CHSY3: variants seen among roughly 807,000 people sequenced by gnomAD.
The protein encoded by CHSY3 is chondroitin sulfate synthase 3.
A neutral mutation model predicts 67.2 loss-of-function variants in CHSY3; 35 were observed. The ratio of observed to expected loss-of-function variants is 0.52; its 90% CI spans 0.40 to 0.69. CHSY3 has a LOEUF of 0.69. Ranked by LOEUF, CHSY3 falls within the 30% of genes least tolerant of loss-of-function variation. The pLI is 0.00. For synonymous variants in CHSY3, 474 were observed against 434.7 expected, an observed-to-expected ratio of 1.09 and a Z score of -1.12; for missense variants, 1,069 against 1,138.5, an observed-to-expected ratio of 0.94 and a Z score of 0.88.
intron 2 of CHSY3, among the ~76,000 whole-genome samples, chr5:130,085,362 A>G (rs1766580759): frequency 6.6e-6 from 1 of 151,988 alleles, no homozygotes; most frequent in South Asian, 2.1e-4. Flanking sequence ...GATTAGACTC[A>G]GTGTCAGAAA....
At chr5:130,037,717 A>AT (rs931941098) in intron 2 of CHSY3, among the ~76,000 whole-genome samples, 3 of 152,056 alleles carry the variant, frequency 2.0e-5, no homozygotes, top group African/African-American at 4.8e-5. Flanking sequence ...TTATTATTTA[A>AT]TTTTTTAAAA....
chr5:129,976,779 A>G (rs1762820237), intron 2 of CHSY3, among the ~76,000 whole-genome samples: 1 of 151,986 alleles, frequency 6.6e-6, no homozygotes, highest in Non-Finnish European at 1.5e-5. Flanking sequence ...TTAAAAAGAG[A>G]GTTAAATAAA....
chr5:129,945,990 A>G (rs991333891), intron 2 of CHSY3, among the ~76,000 whole-genome samples: 1 of 152,168 alleles, frequency 6.6e-6, no homozygotes, highest in Non-Finnish European at 1.5e-5. Context: ...TATTATTCCA[A>G]CCACAAAACT....
chr5:129,906,343 G>T (rs1188826770), intron 1 of CHSY3, among the ~76,000 whole-genome samples: 1 of 152,114 alleles, frequency 6.6e-6, no homozygotes, highest in Non-Finnish European at 1.5e-5. Context: ...GGATGGGCAT[G>T]TTGTAAGGAA....
At chr5:130,055,124 A>G (rs2149673472) in intron 2 of CHSY3, among the ~76,000 whole-genome samples, 1 of 152,224 alleles carries the variant, frequency 6.6e-6, no homozygotes, top group Admixed American at 6.5e-5. Context: ...GATTTTTGAT[A>G]GGAAAATGAA....
intron 2 of CHSY3, among the ~76,000 whole-genome samples, chr5:129,939,946 A>T (rs1009001343): frequency 3.3e-5 from 5 of 152,188 alleles, no homozygotes; most frequent in South Asian, 2.1e-4. Context: ...ATTGTATGTT[A>T]TCTGAGTTAT....
chr5:130,179,890 A>G, intron 2 of CHSY3, among the ~76,000 whole-genome samples: 1 of 152,180 alleles, frequency 6.6e-6, no homozygotes, highest in Non-Finnish European at 1.5e-5. Context: ...GATTTCCACA[A>G]AGAAAAGACA....
At chr5:129,931,849 T>C (rs766683456) in intron 2 of CHSY3, among the ~76,000 whole-genome samples, 7 of 152,004 alleles carry the variant, frequency 4.6e-5, no homozygotes, top group Non-Finnish European at 7.4e-5. Flanking sequence ...TCTCCCTAAA[T>C]TGTGTCATAT....
intron 2 of CHSY3, among the ~76,000 whole-genome samples, chr5:130,171,037 C>CA (rs1472984605): frequency 6.6e-6 from 1 of 152,042 alleles, no homozygotes; most frequent in Non-Finnish European, 1.5e-5. Flanking sequence ...TGCGTGTTTG[C>CA]AAAATGGCAA....
intron 2 of CHSY3, among the ~76,000 whole-genome samples, chr5:130,087,969 A>G (rs1006281408): frequency 4.6e-5 from 7 of 152,170 alleles, no homozygotes; most frequent in African/African-American, 1.7e-4. Context: ...TTCAAACTAT[A>G]CTACAAGGCT....
At chr5:129,985,913 A>C (rs1181535417) in intron 2 of CHSY3, among the ~76,000 whole-genome samples, 1 of 152,142 alleles carries the variant, frequency 6.6e-6, no homozygotes, top group Non-Finnish European at 1.5e-5. Context: ...CATATCCAAG[A>C]GCCTTTGGGG....
chr5:130,130,072 A>G (rs1296813699), intron 2 of CHSY3, among the ~76,000 whole-genome samples: 1 of 152,198 alleles, frequency 6.6e-6, no homozygotes, highest in African/African-American at 2.4e-5. Context: ...AGTATCTTAA[A>G]TCTAATCTAG....
intron 2 of CHSY3, among the ~76,000 whole-genome samples, chr5:130,010,205 T>C (rs1764013532): frequency 1.3e-5 from 2 of 152,122 alleles, no homozygotes; most frequent in African/African-American, 4.8e-5. Context: ...ACATGGCACA[T>C]ACACTAAGAT....
chr5:130,058,101 C>A (rs888751746), intron 2 of CHSY3, among the ~76,000 whole-genome samples: 2 of 152,146 alleles, frequency 1.3e-5, no homozygotes, highest in Non-Finnish European at 2.9e-5. Context: ...TTTCCTACCA[C>A]TGCTGTCATG....
At position 130,033,279 on chromosome 5, in the gene CHSY3, A is replaced by G. The variant is rs1764752785; in HGVS notation, c.1086+124919A>G. 2.0e-5 allele frequency among the ~76,000 whole-genome samples: 3 copies of G among 152,080 alleles called. No individual in the cohort carries two copies. The East Asian group carries it at 5.8e-4, about 29-fold the overall frequency. ...TGTAATCATCATTTGGATTTTCTTCAATTATTTTATCCCTTCAACCCCGGC... is the reference window on the plus strand; with the variant it reads ...TGTAATCATCATTTGGATTTTCTTCGATTATTTTATCCCTTCAACCCCGGC... On this transcript the variant is annotated intron_variant, in intron 2 of 2. Transcript: ENST00000305031.
intron 2 of CHSY3, among the ~76,000 whole-genome samples, chr5:130,016,578 T>A (rs1202236783): frequency 6.6e-6 from 1 of 152,114 alleles, no homozygotes; most frequent in Non-Finnish European, 1.5e-5. Context: ...CAGCTAATTT[T>A]TTTGTATTTT....
At chr5:130,042,708 C>G (rs1195921997) in intron 2 of CHSY3, among the ~76,000 whole-genome samples, 1 of 152,020 alleles carries the variant, frequency 6.6e-6, no homozygotes, top group African/African-American at 2.4e-5. Flanking sequence ...GTTAGCAGGA[C>G]AGTTATTACC....
chr5:130,035,787 T>C (rs1236854579), intron 2 of CHSY3, among the ~76,000 whole-genome samples: 1 of 151,652 alleles, frequency 6.6e-6, no homozygotes, highest in Non-Finnish European at 1.5e-5. Flanking sequence ...GTAAGTCCTA[T>C]GACAATGAAA....
intron 2 of CHSY3, among the ~76,000 whole-genome samples, chr5:129,966,347 C>T (rs919242160): frequency 6.6e-6 from 1 of 151,780 alleles, no homozygotes; most frequent in East Asian, 1.9e-4. Flanking sequence ...GTAGGTAGTG[C>T]ATTGTGTAAA....
Sources: allele counts gnomAD v4.1 joint callset (sites outside exome capture counted in the v4.1 genomes callset), GRCh38; gene constraint gnomAD v4.1.1; transcripts MANE v1.5; gene names NCBI Gene and HGNC (gene_info 2026-07-23, HGNC 2026-07-21).